The following SFSWAP variants were observed in gnomAD, a reference collection of about 807,000 sequenced individuals.
SFSWAP encodes splicing factor SWAP, also known as splicing factor, suppressor of white-apricot homolog.
SFSWAP carries 17 observed loss-of-function variants against 100.7 expected under a neutral mutation model. The ratio of observed to expected loss-of-function variants is 0.17; its 90% CI spans 0.12 to 0.25. The LOEUF is 0.25. Ranked by LOEUF, SFSWAP falls within the 10% of genes least tolerant of loss-of-function variation. The probability of loss-of-function intolerance (pLI) is 1.00; values close to 1 mark genes in which losing one functional copy is unlikely to be tolerated. For synonymous variants in SFSWAP, 504 were observed against 510.1 expected (o/e 0.99, Z 0.16); for missense variants, 1,005 against 1,262.6 (o/e 0.80, Z 3.09).
chr12:131,753,462 T>C (rs1593150381), intron 8 of SFSWAP, 99 bp downstream of exon 8: 1 of 1,425,678 alleles, frequency 7.0e-7, no homozygotes, highest in Non-Finnish European at 9.3e-7. Flanking sequence ...ATCTAGATCA[T>C]ATACAGGGGT....
intron 15 of SFSWAP, among the ~76,000 whole-genome samples, chr12:131,791,045 A>T (rs1459207658): frequency 2.0e-5 from 3 of 152,210 alleles, no homozygotes. Flanking sequence ...TAATTACATT[A>T]AATGTAAGAA....
chr12:131,747,970 G>T (rs778020826), intron 7 of SFSWAP, among the ~76,000 whole-genome samples: 11 of 152,194 alleles, frequency 7.2e-5, no homozygotes, highest in Non-Finnish European at 1.6e-4. Flanking sequence ...AAAAGAGACC[G>T]AGAGGCATGG....
intron 3 of SFSWAP, 123 bp from the exon 4 acceptor site, chr12:131,719,331 G>A: frequency 2.9e-6 from 2 of 700,994 alleles, no homozygotes; most frequent in Admixed American, 2.3e-5. Context: ...TGGCTTCTAG[G>A]AGTAACAACA....
chr12:131,718,267 A>G (rs2136178419), intron 3 of SFSWAP, among the ~76,000 whole-genome samples: 2 of 152,350 alleles, frequency 1.3e-5, no homozygotes, highest in Middle Eastern at 6.8e-3. Context: ...GATCGCTTCA[A>G]GAGCCTTTAC....
chr12:131,793,652 TAAG>T (rs1204541938), intron 15 of SFSWAP, among the ~76,000 whole-genome samples: 4 of 152,070 alleles, frequency 2.6e-5, no homozygotes, highest in Non-Finnish European at 5.9e-5. Context: ...AAGGCACAGT[TAAG>T]AAGATGAATA....
chr12:131,756,808 T>C (rs1017964496), intron 11 of SFSWAP, among the ~76,000 whole-genome samples, 164 bp downstream of exon 11: 9 of 152,202 alleles, frequency 5.9e-5, no homozygotes, highest in African/African-American at 2.2e-4. Flanking sequence ...TGCTGTGTCA[T>C]GCTTGCCTCG....
At chr12:131,769,979 CTG>C (rs1384787459) in intron 13 of SFSWAP, among the ~76,000 whole-genome samples, 1 of 152,112 alleles carries the variant, frequency 6.6e-6, no homozygotes, top group Non-Finnish European at 1.5e-5. Flanking sequence ...ATGTGTGTGT[CTG>C]TGTATGCAGA....
intron 15 of SFSWAP, among the ~76,000 whole-genome samples, chr12:131,793,478 G>A (rs996362169): frequency 3.9e-5 from 6 of 151,940 alleles, no homozygotes; most frequent in Non-Finnish European, 8.8e-5. Context: ...AATTCAGGGC[G>A]GATCAGAGAT....
chr12:131,728,492 G>T (rs1468855813), intron 7 of SFSWAP, 64 bp downstream of exon 7: 54 of 1,548,638 alleles, frequency 3.5e-5, no homozygotes, highest in East Asian at 4.5e-5. Context: ...CAGCTACAGG[G>T]CTCTAAACCC....
chr12:131,795,252 G>A lies in SFSWAP; in HGVS notation c.2535-1926G>A, dbSNP rs145345562. On this transcript the variant is annotated intron_variant, in intron 15 of 17. Transcript: ENST00000261674. ...TGGATTTAAGCTGCCAGCGAGCACC[G>A]TCTCTGGCAGGTCCCGCCTTGTTTG... Among the ~76,000 whole-genome samples the A allele has an allele frequency of 7.9e-5, 12 of 152,270 alleles. No homozygotes were observed. The East Asian group carries it at 1.5e-3, about 20-fold the overall frequency.
chr12:131,712,147 T>C (rs941258472), intron 1 of SFSWAP: 3 of 152,410 alleles, frequency 2.0e-5, no homozygotes, highest in Non-Finnish European at 2.9e-5. Context: ...TTCTTAGGGC[T>C]GGTTTCACTG....
intron 15 of SFSWAP, among the ~76,000 whole-genome samples, chr12:131,787,911 A>G (rs1189929650): frequency 6.6e-6 from 1 of 152,252 alleles, no homozygotes; most frequent in East Asian, 1.9e-4. Flanking sequence ...TAAAGCGGAT[A>G]GATACCAGCA....
intron 16 of SFSWAP, 113 bp from the exon 17 acceptor site, chr12:131,798,924 G>A: frequency 1.4e-6 from 1 of 736,672 alleles, no homozygotes; most frequent in Non-Finnish European, 2.4e-6. Context: ...AGCAGATGCA[G>A]TGGGCACTTC....
At chr12:131,775,183 G>T (rs939675423) in intron 13 of SFSWAP, among the ~76,000 whole-genome samples, 2 of 152,172 alleles carry the variant, frequency 1.3e-5, no homozygotes, top group Non-Finnish European at 2.9e-5. Context: ...GAGTAAATGA[G>T]GAGAGTTCTT....
chr12:131,723,122 A>G (rs1333289135), intron 4 of SFSWAP: 1 of 152,182 alleles, frequency 6.6e-6, no homozygotes, highest in Non-Finnish European at 1.5e-5. Flanking sequence ...AGCTTTATCG[A>G]ATTTGTGCAG....
At chr12:131,776,958 A>G (rs898705357) in intron 13 of SFSWAP, among the ~76,000 whole-genome samples, 5 of 152,190 alleles carry the variant, frequency 3.3e-5, no homozygotes, top group African/African-American at 9.7e-5. Flanking sequence ...TTGAAGATTC[A>G]TATGCTCTTC....
intron 7 of SFSWAP, among the ~76,000 whole-genome samples, chr12:131,750,188 C>T (rs1881494390): frequency 6.6e-6 from 1 of 152,194 alleles, no homozygotes; most frequent in African/African-American, 2.4e-5. Flanking sequence ...ATCCCTGACA[C>T]CCTATGAAGT....
At chr12:131,755,316 A>G (rs991655674) in intron 9 of SFSWAP, 70 bp from the exon 10 acceptor site, 8 of 1,055,580 alleles carry the variant, frequency 7.6e-6, no homozygotes, top group Non-Finnish European at 1.2e-5. Flanking sequence ...GAGCTAGGAG[A>G]ACAGGGCCTG....
Position 131,764,671 on chromosome 12 carries a change from C to A in SFSWAP, c.1936C>A (p.Leu646Ile), listed in dbSNP as rs1882965148. 2 of 1,612,426 alleles carry A rather than the reference C, an allele frequency of 1.2e-6. No individual in the cohort carries two copies. The highest frequency in any genetic ancestry group is 2.2e-5 in the East Asian group (1 of 44,870). Residue 646 changes from leucine to isoleucine, a missense_variant, in exon 12 of 18, where the codon CTA becomes ATA. Transcript: ENST00000261674. Reference protein sequence around the residue: ...EKKPQLTQEELEAKQAKQKLE... With the variant: ...EKKPQLTQEEIEAKQAKQKLE... ...GAAGCCTCAACTTACCCAGGAGGAG[C>A]TAGAAGCAAAGCAAGGTTTGTTGAT...
Sources: gnomAD v4.1 joint callset for allele counts (sites outside exome capture counted in the v4.1 genomes callset) on GRCh38, gnomAD v4.1.1 for gene constraint, MANE v1.5 for transcripts, NCBI Gene and HGNC (gene_info 2026-07-23, HGNC 2026-07-21) for gene names.